The following GIN1 variants were observed in gnomAD, a reference collection of about 807,000 sequenced individuals.
GIN1 encodes the protein gypsy retrotransposon integrase 1, also known as gypsy retrotransposon integrase-like protein 1.
Under a neutral mutation model 51.4 loss-of-function variants are expected in GIN1, and 41 were observed. The ratio of observed to expected loss-of-function variants is 0.80; its 90% CI spans 0.62 to 1.04. The LOEUF (loss-of-function observed/expected upper bound fraction) is 1.04, where lower values mean the gene tolerates loss of function less well. Ranked by LOEUF, GIN1 falls within the 50% of genes least tolerant of loss-of-function variation. The probability of loss-of-function intolerance (pLI) is 0.00; values close to 1 mark genes in which losing one functional copy is unlikely to be tolerated. For synonymous variants in GIN1, 222 were observed against 206.5 expected, an observed-to-expected ratio of 1.07 and a Z score of -0.64; for missense variants, 610 against 612.4, an observed-to-expected ratio of 1.00 and a Z score of 0.04.
At chr5:103,110,827 G>A (rs1554196845) in intron 1 of GIN1, among the ~76,000 whole-genome samples, 2 of 152,124 alleles carry the variant, frequency 1.3e-5, no homozygotes, top group Non-Finnish European at 2.9e-5. Flanking sequence ...AAACAGTAAA[G>A]GTATCAAGAA....
In GIN1 at chr5:103,096,766, T is replaced by TG. The variant is rs782800384; in HGVS notation, c.1068dup (p.Lys357GlnfsTer13). The TG allele has an allele frequency of 4.3e-6, 7 of 1,609,570 alleles. No individual in the cohort carries two copies. Among genetic ancestry groups the TG allele is most frequent in the Non-Finnish European group, 6.0e-6 (7 of 1,176,026 alleles). ...TTTAAATGAAATGGATTTAATTGTT[T>TG]GGGTTTCTTTTTAACAATGATCTTG... On this transcript the variant is annotated frameshift_variant, in exon 7 of 8. Transcript: ENST00000399004. LOFTEE classifies it high-confidence loss of function.
intron 1 of GIN1, among the ~76,000 whole-genome samples, chr5:103,116,884 A>T (rs1583138699): frequency 6.6e-6 from 1 of 152,046 alleles, no homozygotes; most frequent in African/African-American, 2.4e-5. Context: ...CTACACACTA[A>T]CAACAACAAA....
chr5:103,110,225 GA>G (rs1172276303), intron 1 of GIN1, among the ~76,000 whole-genome samples: 16 of 149,960 alleles, frequency 1.1e-4, no homozygotes, highest in East Asian at 5.9e-4. Flanking sequence ...ATCCTTAAAA[GA>G]AAAAAAAATT....
intron 7 of GIN1, among the ~76,000 whole-genome samples, chr5:103,089,421 CTTTA>C (rs1412380018): frequency 1.3e-5 from 2 of 151,680 alleles, no homozygotes; most frequent in African/African-American, 2.4e-5. Flanking sequence ...ATTTATTTAT[CTTTA>C]TTTACTTATT....
chr5:103,092,850 G>A (rs1489074596), intron 7 of GIN1, among the ~76,000 whole-genome samples: 1 of 147,926 alleles, frequency 6.8e-6, no homozygotes, highest in Non-Finnish European at 1.5e-5. Flanking sequence ...GGAGGCTGAT[G>A]TGGGAAGATT....
In GIN1 at chr5:103,101,539, C is replaced by T. The variant is rs148343803; in HGVS notation, c.639+3002G>A. Among the ~76,000 whole-genome samples, 1,072 of 152,268 alleles carry T rather than the reference C, an allele frequency of 7.0e-3. 10 individuals are homozygous for T. Among genetic ancestry groups the T allele is most frequent in the Middle Eastern group, 0.02 (6 of 294 alleles). On this transcript the variant is annotated intron_variant, in intron 4 of 7. Transcript: ENST00000399004. ...AACAAAGAGCTGGAAGTTAAATAGACGTGCCGGCGCTATCACTTTCTTGTG... is the reference window on the plus strand; with the variant it reads ...AACAAAGAGCTGGAAGTTAAATAGATGTGCCGGCGCTATCACTTTCTTGTG...
intron 4 of GIN1, among the ~76,000 whole-genome samples, chr5:103,101,233 A>C (rs1256283939): frequency 1.3e-5 from 2 of 152,236 alleles, no homozygotes; most frequent in African/African-American, 2.4e-5. Flanking sequence ...GACAGCTATG[A>C]AGTGACTAAT....
chr5:103,116,882 TAAC>T (rs1788045623), intron 1 of GIN1, among the ~76,000 whole-genome samples: 3 of 151,870 alleles, frequency 2.0e-5, no homozygotes, highest in African/African-American at 7.3e-5. Context: ...GACTACACAC[TAAC>T]AACAACAAAA....
At chr5:103,099,676 C>G (rs1562329414) in intron 4 of GIN1, among the ~76,000 whole-genome samples, 1 of 152,200 alleles carries the variant, frequency 6.6e-6, no homozygotes, top group African/African-American at 2.4e-5. Flanking sequence ...CCCCAACCAT[C>G]AAACCAGATA....
chr5:103,101,873 G>T (rs781812608), intron 4 of GIN1, among the ~76,000 whole-genome samples: 11 of 152,098 alleles, frequency 7.2e-5, no homozygotes, highest in Non-Finnish European at 1.3e-4. Flanking sequence ...AGTTCCAATA[G>T]CCTTCCCCCA....
chr5:103,110,496 A>G (rs2151475092), intron 1 of GIN1, among the ~76,000 whole-genome samples: 1 of 152,330 alleles, frequency 6.6e-6, no homozygotes, highest in African/African-American at 2.4e-5. Flanking sequence ...AAATGTGCTC[A>G]ACATCATTAT....
At chr5:103,112,780 G>A (rs908166489) in intron 1 of GIN1, among the ~76,000 whole-genome samples, 1 of 151,730 alleles carries the variant, frequency 6.6e-6, no homozygotes, top group African/African-American at 2.4e-5. Context: ...ATAGTTTTTT[G>A]CCTGTTCATC....
chr5:103,091,942 T>C (rs898034651), intron 7 of GIN1, among the ~76,000 whole-genome samples: 1 of 151,928 alleles, frequency 6.6e-6, no homozygotes, highest in Admixed American at 6.6e-5. Flanking sequence ...GGAGAATTGC[T>C]TGAACCCAGG....
chr5:103,090,498 A>G (rs34799), intron 7 of GIN1, among the ~76,000 whole-genome samples: 39,144 of 152,084 alleles, frequency 0.26, 5,562 homozygotes, highest in East Asian at 0.45. Context: ...TAGGGTAAAC[A>G]TGTTGCTGAT....
At chr5:103,118,687 T>C (rs1788166225) in intron 1 of GIN1, among the ~76,000 whole-genome samples, 1 of 150,580 alleles carries the variant, frequency 6.6e-6, no homozygotes, top group Admixed American at 6.6e-5. Flanking sequence ...GCCTTTGAAG[T>C]AGTTAAAAGT....
At chr5:103,094,457 T>C (rs565963290) in intron 7 of GIN1, among the ~76,000 whole-genome samples, 2 of 152,256 alleles carry the variant, frequency 1.3e-5, no homozygotes, top group East Asian at 3.9e-4. Flanking sequence ...AAGAATCTTG[T>C]GCAAAGAATT....
chr5:103,108,769 A>G, intron 1 of GIN1, 55 bp from the exon 2 acceptor site: 5 of 1,111,208 alleles, frequency 4.5e-6, no homozygotes, highest in Non-Finnish European at 6.6e-6. Context: ...CTGAATTGCT[A>G]TTTCAGTTAA....
Position 103,088,082 on chromosome 5 carries a change from A to G in GIN1, c.1385T>C (p.Ile462Thr), listed in dbSNP as rs782630997. ...EIPIGAYQAN[I>T]LVEDATIGIV... ...ACCAATAGTTGCATCTTCCACCAGA[A>G]TATTTGCTTGATATGCTCCAATCGG... Residue 462 changes from isoleucine (I) to threonine (T), a missense_variant, in exon 8 of 8, where the codon ATT becomes ACT. Physicochemically the swap from Ile to Thr is moderately conservative, Grantham distance 89. Coordinates refer to ENST00000399004, the MANE Select transcript of GIN1 (RefSeq NM_017676.2). 45 of 1,610,472 alleles carry G rather than the reference A, an allele frequency of 2.8e-5. No homozygotes were observed. The South Asian group carries it at 4.4e-4, about 16-fold the overall frequency.
rs2151465744 is a variant in GIN1, at chr5:103,097,403, C to T, written c.919G>A (p.Gly307Ser). The change falls in exon 6 of 8, where the codon GGT becomes AGT. Residue 307 changes from glycine (G) to serine (S), a missense_variant. Transcript: ENST00000399004. ...ETSDSLHEVD[G>S]DNTSMFAKIL... ...TTGGCAAACATACTTGTATTATCAC[C>T]ATCCACTTCATGAAGACTATCTGAA... 1 of 1,567,038 alleles carries T rather than the reference C, an allele frequency of 6.4e-7. No individual in the cohort carries two copies. The highest frequency in any genetic ancestry group is 1.3e-5 in the African/African-American group (1 of 74,074).
Sources: allele counts gnomAD v4.1 joint callset (sites outside exome capture counted in the v4.1 genomes callset), GRCh38; gene constraint gnomAD v4.1.1; transcripts MANE v1.5; gene names NCBI Gene and HGNC (gene_info 2026-07-23, HGNC 2026-07-21).